TECTA: variants seen among roughly 807,000 people sequenced by gnomAD.
The protein encoded by TECTA is alpha-tectorin.
TECTA carries 128 observed loss-of-function variants against 216.8 expected under a neutral mutation model. The ratio of observed to expected loss-of-function variants is 0.59; its 90% confidence interval spans 0.51 to 0.68. TECTA has a LOEUF of 0.68. TECTA is among the 30% of genes least tolerant of loss of function. The pLI is 0.00. For missense variants in TECTA, 2,551 were observed against 2,786.2 expected (o/e 0.92, Z 1.90); for synonymous variants, 1,089 against 1,117.1 (o/e 0.97, Z 0.50).
chr11:121,183,094 G>T (rs1007008726), intron 20 of TECTA, among the ~76,000 whole-genome samples: 2 of 152,160 alleles, frequency 1.3e-5, no homozygotes, highest in East Asian at 1.9e-4. Context: ...GTTCCCCAGG[G>T]TGTAGGACAC....
At chr11:121,152,830 T>C in intron 12 of TECTA, 51 bp from the exon 13 acceptor site, 1 of 1,555,678 alleles carries the variant, frequency 6.4e-7, no homozygotes, top group Non-Finnish European at 8.7e-7. Context: ...GAGAAAACCC[T>C]CCTCGGTGCC....
At position 121,190,832 on chromosome 11, in the gene TECTA, A is replaced by T. The variant is rs372182465; in HGVS notation, c.*26A>T. The T allele has an allele frequency of 2.0e-6, 3 of 1,529,242 alleles. No individual in the cohort carries two copies. The African/African-American group carries it at 4.1e-5, about 21-fold the overall frequency. The allele number at this position is 1,529,242 out of a possible 1,614,324, so 94.7% of individuals were successfully genotyped here. Reference sequence around the variant, plus strand: ...TTAACTCAAGGTTGCTATATAAAGTACTGTAATTTACTTACTTCAACACCC... The same window carrying T: ...TTAACTCAAGGTTGCTATATAAAGTTCTGTAATTTACTTACTTCAACACCC... On this transcript the variant is annotated 3_prime_UTR_variant, in exon 24 of 24. Coordinates refer to ENST00000392793, the MANE Select transcript of TECTA (RefSeq NM_005422.4).
At chr11:121,102,615 T>C (rs1317277725) in intron 1 of TECTA, 50 bp from the exon 2 acceptor site, 1 of 1,481,312 alleles carries the variant, frequency 6.8e-7, no homozygotes, top group Middle Eastern at 1.8e-4. Context: ...GTGTTCTGTT[T>C]ACTCTGGCAA....
chr11:121,174,392 T>C (rs1370735307), intron 20 of TECTA, among the ~76,000 whole-genome samples: 3 of 151,682 alleles, frequency 2.0e-5, no homozygotes, highest in African/African-American at 7.3e-5. Flanking sequence ...TGAGAGTTTT[T>C]AGCATGAAGG....
At chr11:121,159,301 G>A (rs1375624030) in intron 14 of TECTA, among the ~76,000 whole-genome samples, 1 of 152,060 alleles carries the variant, frequency 6.6e-6, no homozygotes, top group Non-Finnish European at 1.5e-5. Flanking sequence ...ACATCAACAC[G>A]ACAGCCTTGG....
intron 20 of TECTA, among the ~76,000 whole-genome samples, chr11:121,171,015 T>A (rs11218176): frequency 0.12 from 18,971 of 152,174 alleles, 1,603 homozygotes; most frequent in South Asian, 0.33. Context: ...CAACTAATGA[T>A]GAAGCATGTT....
intron 20 of TECTA, among the ~76,000 whole-genome samples, chr11:121,174,944 A>G (rs1316255511): frequency 9.2e-5 from 14 of 152,176 alleles, no homozygotes; most frequent in Non-Finnish European, 2.1e-4. Context: ...CGAGGAATTT[A>G]TCCATTTCTC....
rs1302141578 is a variant in TECTA at position 121,179,971 on chromosome 11, TTTG to T, written c.6000-7858_6000-7856del. ...TATTTGAGTTTTTTTTGTTTGTTTG[TTTG>T]TTTTTTTTTTTTTTTAGCTGTTCAA... is the stretch of plus-strand genomic sequence containing the variant. On this transcript the variant is annotated intron_variant, in intron 20 of 23. Coordinates refer to ENST00000392793, the MANE Select transcript of TECTA (RefSeq NM_005422.4). Among the ~76,000 whole-genome samples the T allele has an allele frequency of 8.3e-5, 12 of 145,190 alleles. No individual in the cohort carries two copies. In the East Asian group the frequency reaches 1.7e-3, roughly 21 times the overall value.
intron 20 of TECTA, among the ~76,000 whole-genome samples, chr11:121,186,105 G>A (rs1947283570): frequency 8.8e-6 from 1 of 113,130 alleles, no homozygotes; most frequent in Non-Finnish European, 1.7e-5. Context: ...TGAATGAGTA[G>A]GGAAAGAAGA....
intron 7 of TECTA, 110 bp from the exon 8 acceptor site, chr11:121,125,192 G>C (rs956156356): frequency 8.9e-7 from 1 of 1,129,576 alleles, no homozygotes; most frequent in Non-Finnish European, 1.3e-6. Context: ...CGTTTAGGTG[G>C]CCATTCTCTC....
chr11:121,190,932 G>C lies in TECTA; in HGVS notation c.*126G>C. 1 of 733,908 alleles carries C rather than the reference G, an allele frequency of 1.4e-6. No individual in the cohort carries two copies. Among genetic ancestry groups the C allele is most frequent in the East Asian group, 3.0e-5 (1 of 33,810 alleles). The allele number at this position is 733,908 out of a possible 1,614,324, so 45.5% of individuals were successfully genotyped here. A position where few individuals can be genotyped will look rare whatever the true frequency, so the allele number is the denominator to read the frequency against. The stretch of plus-strand genomic sequence containing the variant: ...CCAGCATCTCAAAATGATGCCACCT[G>C]CCTCCAATGGTCCAAGGTCCAGAAA... On this transcript the variant is annotated 3_prime_UTR_variant, in exon 24 of 24. Transcript: ENST00000392793.
intron 20 of TECTA, among the ~76,000 whole-genome samples, chr11:121,180,643 G>C (rs1947217522): frequency 6.6e-6 from 1 of 152,030 alleles, no homozygotes; most frequent in African/African-American, 2.4e-5. Flanking sequence ...CCTATATGTA[G>C]ATGTTTATAT....
Position 121,129,757 on chromosome 11 carries a change from C to T in TECTA, c.2487C>T (p.Asp829=). ...SKGVVTVQYS[D]IGLLYIRLST... ...GCGTGGTGACTGTCCAGTACTCAGACATAGGTCTATTGTACATCCGGCTGT... is the reference window on the plus strand; with the variant it reads ...GCGTGGTGACTGTCCAGTACTCAGATATAGGTCTATTGTACATCCGGCTGT... The change falls in exon 10 of 24, where the codon GAC becomes GAT. Residue 829 remains aspartate (D), a synonymous_variant. Coordinates refer to ENST00000392793, the MANE Select transcript of TECTA (RefSeq NM_005422.4). 4 of 1,614,234 alleles carry T rather than the reference C, an allele frequency of 2.5e-6. No homozygotes were observed. Among genetic ancestry groups the T allele is most frequent in the Admixed American group, 1.7e-5 (1 of 60,028 alleles).
intron 20 of TECTA, among the ~76,000 whole-genome samples, chr11:121,186,814 C>T (rs886650136): frequency 1.3e-5 from 2 of 152,178 alleles, no homozygotes; most frequent in African/African-American, 4.8e-5. Flanking sequence ...GGAAAAGAGT[C>T]ACCCTTTTTA....
At chr11:121,129,145 T>C (rs1404820176) in intron 9 of TECTA, among the ~76,000 whole-genome samples, 5 of 152,326 alleles carry the variant, frequency 3.3e-5, no homozygotes, top group East Asian at 3.9e-4. Flanking sequence ...CATTGCCACA[T>C]TGGCAGAGAT....
chr11:121,172,417 C>A (rs1947121737), intron 20 of TECTA, among the ~76,000 whole-genome samples: 1 of 151,866 alleles, frequency 6.6e-6, no homozygotes, highest in Non-Finnish European at 1.5e-5. Flanking sequence ...CAGTTCCCAC[C>A]TATGAGTGAG....
chr11:121,187,902 G>T lies in TECTA; in HGVS notation c.6070G>T (p.Val2024Phe). ...AGTCTCCCTGACCTGTCGCTTTCAC[G>T]TCACCGTCTTTAAATTCATAGGGGA... The part of the protein sequence containing the change: ...NAVSLTCRFH[V>F]TVFKFIGDYD... Residue 2024 changes from valine (V) to phenylalanine (F), a missense_variant, in exon 21 of 24, where the codon GTC becomes TTC. This residue lies in a region of TECTA where 58 missense variants were observed against 105.9 expected (regional missense o/e 0.55). Transcript: ENST00000392793. The T allele has an allele frequency of 5.0e-6, 8 of 1,614,200 alleles. No homozygotes were observed. The East Asian group carries it at 1.8e-4, about 36-fold the overall frequency.
chr11:121,104,115 A>T (rs974303932), intron 2 of TECTA, among the ~76,000 whole-genome samples: 9 of 152,180 alleles, frequency 5.9e-5, no homozygotes, highest in African/African-American at 2.2e-4. Context: ...TGTGAATTTG[A>T]GCCCTCATTC....
In TECTA at chr11:121,145,906, C is replaced by G; in HGVS notation, c.3895C>G (p.Gln1299Glu). The change falls in exon 12 of 24, where the codon CAG becomes GAG. Residue 1299 changes from glutamine (Q) to glutamate (E), a missense_variant. Gln to Glu is a conservative substitution (Grantham distance 29). Coordinates refer to ENST00000392793, the MANE Select transcript of TECTA (RefSeq NM_005422.4). The stretch of plus-strand genomic sequence containing the variant: ...GGTGGAAGGTTTCTCCAAAGTGCAG[C>G]AGCTGTGCAGCCTGATCCCCAACCA... ...AKVEGFSKVQ[Q>E]LCSLIPNQNA... is the part of the protein sequence containing the mutation. The G allele has an allele frequency of 6.2e-7, 1 of 1,614,274 alleles. No individual in the cohort carries two copies. The highest frequency in any genetic ancestry group is 8.5e-7 in the Non-Finnish European group (1 of 1,180,042).
Sources: allele counts gnomAD v4.1 joint callset (sites outside exome capture counted in the v4.1 genomes callset), GRCh38; gene constraint gnomAD v4.1.1; regional missense constraint gnomAD v4.1.1; transcripts MANE v1.5; gene names NCBI Gene and HGNC (gene_info 2026-07-23, HGNC 2026-07-21).